PSMA1: variants seen among roughly 807,000 people sequenced by gnomAD.
PSMA1 encodes the protein proteasome subunit alpha type-1.
Under a neutral mutation model 38.4 loss-of-function variants are expected in PSMA1, and 3 were observed. That is an observed-to-expected ratio of 0.08 (90% CI 0.04 to 0.20). The LOEUF is 0.20. Ranked by LOEUF, PSMA1 falls within the 10% of genes least tolerant of loss-of-function variation. The probability of loss-of-function intolerance (pLI) is 1.00; values close to 1 mark genes in which losing one functional copy is unlikely to be tolerated. For missense variants in PSMA1, 227 were observed against 325.3 expected, an observed-to-expected ratio of 0.70 and a Z score of 2.32; for synonymous variants, 101 against 107.1, an observed-to-expected ratio of 0.94 and a Z score of 0.35.
At chr11:14,549,910 G>C (rs1428162542) in intron 2 of PSMA1, among the ~76,000 whole-genome samples, 2 of 152,124 alleles carry the variant, frequency 1.3e-5, no homozygotes, top group African/African-American at 4.8e-5. Context: ...GTAATATGTT[G>C]GATGGGATCT....
At chr11:14,585,317 AT>A (rs1410712065) in intron 2 of PSMA1, among the ~76,000 whole-genome samples, 2 of 152,204 alleles carry the variant, frequency 1.3e-5, no homozygotes, top group African/African-American at 4.8e-5. Context: ...AATTAAAAAA[AT>A]AAAACATAGA....
chr11:14,643,480 G>C (rs924976440), exon 1 of PSMA1: 1 of 152,272 alleles, frequency 6.6e-6, no homozygotes, highest in Non-Finnish European at 1.5e-5. Flanking sequence ...GCACGCCTGG[G>C]GTCCCAGGAT....
At chr11:14,506,651 G>A (rs1454995329) in intron 9 of PSMA1, among the ~76,000 whole-genome samples, 3 of 152,182 alleles carry the variant, frequency 2.0e-5, no homozygotes, top group Non-Finnish European at 4.4e-5. Context: ...AGTGTCCAAA[G>A]CTGGCCCCCA....
intron 2 of PSMA1, among the ~76,000 whole-genome samples, chr11:14,597,509 T>C (rs1312732221): frequency 2.0e-5 from 3 of 152,248 alleles, no homozygotes; most frequent in Admixed American, 6.5e-5. Context: ...CCAATTCTTC[T>C]AGATTTTCTA....
At chr11:14,541,925 TATA>T (rs1851777379) in intron 2 of PSMA1, among the ~76,000 whole-genome samples, 1 of 152,252 alleles carries the variant, frequency 6.6e-6, no homozygotes, top group Admixed American at 6.5e-5. Context: ...GCCGCTTTTT[TATA>T]ATGAGCATTA....
chr11:14,574,817 G>C (rs1423874402), intron 2 of PSMA1, among the ~76,000 whole-genome samples: 1 of 152,086 alleles, frequency 6.6e-6, no homozygotes, highest in Admixed American at 6.6e-5. Flanking sequence ...ATAAATTACC[G>C]AGTCTTGGGT....
intron 1 of PSMA1, among the ~76,000 whole-genome samples, chr11:14,637,233 G>A (rs998091934): frequency 6.6e-6 from 1 of 152,062 alleles, no homozygotes; most frequent in East Asian, 1.9e-4. Context: ...GATGTCTCAT[G>A]CCTCCATGGC....
At chr11:14,507,883 T>G (rs1257678277) in intron 8 of PSMA1, 117 bp from the exon 9 acceptor site, 2 of 681,968 alleles carry the variant, frequency 2.9e-6, no homozygotes, top group Middle Eastern at 2.6e-4. Flanking sequence ...GAATAAAACC[T>G]TAAAAACCAC....
intron 2 of PSMA1, among the ~76,000 whole-genome samples, chr11:14,556,233 A>G (rs1851939966): frequency 6.6e-6 from 1 of 152,254 alleles, no homozygotes; most frequent in Non-Finnish European, 1.5e-5. Context: ...TTTGAGACCT[A>G]GCATGACTGA....
chr11:14,611,055 T>C, exon 2 of PSMA1: 2 of 1,542,888 alleles, frequency 1.3e-6, no homozygotes, highest in Middle Eastern at 3.4e-4. Context: ...CTTGTCATTG[T>C]CTTTTCCCAG....
intron 5 of PSMA1, 187 bp downstream of exon 5, chr11:14,514,216 G>A: frequency 3.0e-6 from 4 of 1,348,700 alleles, no homozygotes; most frequent in Non-Finnish European, 3.8e-6. Context: ...TTTTCCTGAA[G>A]TTGGGCTTAT....
intron 1 of PSMA1, among the ~76,000 whole-genome samples, chr11:14,632,406 T>C (rs1853032612): frequency 6.8e-6 from 1 of 146,038 alleles, no homozygotes; most frequent in Non-Finnish European, 1.5e-5. Flanking sequence ...TAAAGTATTT[T>C]ATTTCTCCTT....
intron 2 of PSMA1, among the ~76,000 whole-genome samples, chr11:14,588,430 AC>A (rs896322485): frequency 1.3e-5 from 2 of 152,328 alleles, no homozygotes; most frequent in African/African-American, 4.8e-5. Flanking sequence ...ACTTGATCCT[AC>A]AAGTAAAAAA....
chr11:14,630,944 T>A (rs929167664), intron 1 of PSMA1, among the ~76,000 whole-genome samples: 1 of 152,230 alleles, frequency 6.6e-6, no homozygotes, highest in African/African-American at 2.4e-5. Context: ...TTTTCTAGTT[T>A]ATTTGCGTAG....
upstream of PSMA1, chr11:14,520,580 G>C: frequency 1.0e-6 from 1 of 980,420 alleles, no homozygotes; most frequent in Non-Finnish European, 1.4e-6. Context: ...CTGCGGGGCA[G>C]CCCCTGTCAC....
rs190779676 is a variant in PSMA1, at chr11:14,548,180, T to C, written c.22-29139A>G. Among the ~76,000 whole-genome samples, 407 of 152,344 alleles carry C rather than the reference T, an allele frequency of 2.7e-3. 1 individual carries two copies. Among genetic ancestry groups the C allele is most frequent in the African/African-American group, 9.3e-3 (386 of 41,576 alleles). ...TAACATACCTACTAAGTGCTACTTT[T>C]TTTCTATTTATTTATTTTTTAACTG... is the stretch of plus-strand genomic sequence containing the variant. On this transcript the variant is annotated intron_variant, in intron 2 of 10. Coordinates refer to the PSMA1 transcript ENST00000418988.
upstream of PSMA1, among the ~76,000 whole-genome samples, chr11:14,522,262 T>G (rs1330700940): frequency 3.9e-5 from 6 of 152,226 alleles, no homozygotes; most frequent in Non-Finnish European, 7.3e-5. Flanking sequence ...ATATAATAAT[T>G]TGCTTAATTA....
At chr11:14,561,809 T>TTAAACTAAACTAAACTAAAC (rs71044010) in intron 2 of PSMA1, among the ~76,000 whole-genome samples, 54 of 147,930 alleles carry the variant, frequency 3.7e-4, no homozygotes, top group African/African-American at 8.3e-4. Context: ...CTAAACTAAA[T>TTAAACTAAACTAAACTAAAC]TAAACTAAAC....
intron 2 of PSMA1, among the ~76,000 whole-genome samples, chr11:14,556,291 A>G (rs953584592): frequency 6.6e-6 from 1 of 152,186 alleles, no homozygotes; most frequent in African/African-American, 2.4e-5. Flanking sequence ...CTGAGTATAG[A>G]CTTCTAGGTT....
Sources: gnomAD v4.1 joint callset for allele counts (sites outside exome capture counted in the v4.1 genomes callset) on GRCh38, gnomAD v4.1.1 for gene constraint, MANE v1.5 for transcripts, NCBI Gene and HGNC (gene_info 2026-07-23, HGNC 2026-07-21) for gene names.